Variants in CRTAC1 observed in about 807,000 individuals in gnomAD.
The protein encoded by CRTAC1 is cartilage acidic protein 1, also known as acidic secreted protein in cartilage.
Under a neutral mutation model 67.8 loss-of-function variants are expected in CRTAC1, and 37 were observed. The observed-to-expected ratio is 0.55, with a 90% CI of 0.42 to 0.72. The LOEUF is 0.72. CRTAC1 is among the 30% of genes least tolerant of loss of function. The pLI is 0.00. For missense variants in CRTAC1, 780 were observed against 931.6 expected, an observed-to-expected ratio of 0.84 and a Z score of 2.12; for synonymous variants, 348 against 371.0, an observed-to-expected ratio of 0.94 and a Z score of 0.71.
intron 5 of CRTAC1, among the ~76,000 whole-genome samples, chr10:97,911,652 G>A (rs1829468641): frequency 6.6e-6 from 1 of 152,200 alleles, no homozygotes; most frequent in Non-Finnish European, 1.5e-5. Flanking sequence ...ACGACTCCCA[G>A]GTCGACAAGC....
intron 2 of CRTAC1, among the ~76,000 whole-genome samples, chr10:97,962,082 G>C (rs1025963406): frequency 1.3e-5 from 2 of 152,172 alleles, no homozygotes; most frequent in African/African-American, 4.8e-5. Flanking sequence ...GCAAATCCCT[G>C]TTCTCAGATG....
At chr10:97,878,121 G>A (rs540716477) in intron 14 of CRTAC1, among the ~76,000 whole-genome samples, 4 of 152,336 alleles carry the variant, frequency 2.6e-5, no homozygotes, top group African/African-American at 9.6e-5. Context: ...CTGACAAGAT[G>A]GTGTGGTGGG....
chr10:97,927,663 G>C (rs2050941387), intron 3 of CRTAC1, among the ~76,000 whole-genome samples: 1 of 152,226 alleles, frequency 6.6e-6, no homozygotes, highest in Admixed American at 6.5e-5. Context: ...ATGTGCAACA[G>C]CCATGCAGAG....
chr10:97,940,260 C>T (rs2051152028), intron 2 of CRTAC1, among the ~76,000 whole-genome samples: 3 of 152,204 alleles, frequency 2.0e-5, no homozygotes, highest in Non-Finnish European at 4.4e-5. Flanking sequence ...ATGACTTGCC[C>T]ACTATCACTC....
At chr10:97,958,265 G>T (rs959770432) in intron 2 of CRTAC1, among the ~76,000 whole-genome samples, 4 of 152,192 alleles carry the variant, frequency 2.6e-5, no homozygotes. Context: ...TTCTCAGGCT[G>T]GGGGAGAGGG....
At chr10:97,893,531 T>A (rs979119879) in intron 11 of CRTAC1, among the ~76,000 whole-genome samples, 10 of 152,162 alleles carry the variant, frequency 6.6e-5, no homozygotes, top group African/African-American at 2.4e-4. Flanking sequence ...CTCTTTAGAC[T>A]TTTTCCCCAA....
intron 11 of CRTAC1, among the ~76,000 whole-genome samples, chr10:97,894,112 G>A (rs970510284): frequency 5.3e-5 from 8 of 152,168 alleles, no homozygotes; most frequent in Non-Finnish European, 1.0e-4. Flanking sequence ...AGTGGCTTGC[G>A]ATATGATAGC....
intron 11 of CRTAC1, among the ~76,000 whole-genome samples, chr10:97,891,220 G>A (rs1354391026): frequency 1.3e-5 from 2 of 152,162 alleles, no homozygotes; most frequent in East Asian, 1.9e-4. Context: ...GTGAAATGAT[G>A]AGTAATTTTT....
At chr10:97,980,798 T>C (rs936872586) in intron 2 of CRTAC1, among the ~76,000 whole-genome samples, 6 of 152,288 alleles carry the variant, frequency 3.9e-5, no homozygotes, top group African/African-American at 1.4e-4. Context: ...TTTAAAAACA[T>C]AGATTTAAGT....
At chr10:97,953,167 G>T (rs760807947) in intron 2 of CRTAC1, among the ~76,000 whole-genome samples, 6 of 152,158 alleles carry the variant, frequency 3.9e-5, no homozygotes, top group Non-Finnish European at 7.3e-5. Flanking sequence ...TTCCTCTGCA[G>T]CTCTGCCCAA....
intron 14 of CRTAC1, chr10:97,870,772 C>G (rs2050084494): frequency 6.6e-6 from 1 of 151,984 alleles, no homozygotes; most frequent in South Asian, 2.1e-4. Flanking sequence ...GTAATGTCTG[C>G]TCTGCTGTGG....
In CRTAC1 at chr10:97,895,529, C is replaced by T; in HGVS notation, c.1318-116G>A. On this transcript the variant is annotated intron_variant, in intron 10 of 14. Transcript: ENST00000370597. This position sits in a 1 kb window ranked among gnomAD's most constrained non-coding sequence, Gnocchi z 4.2. ...GAGAAGAAGGAGGAAGAGAAGAAAGCAGGCAGAGGAAAAAGATAGAAACAG... is the reference window on the plus strand; with the variant it reads ...GAGAAGAAGGAGGAAGAGAAGAAAGTAGGCAGAGGAAAAAGATAGAAACAG... The T allele has an allele frequency of 1.1e-6, 1 of 925,378 alleles. No individual in the cohort carries two copies. Among genetic ancestry groups the T allele is most frequent in the Non-Finnish European group, 1.6e-6 (1 of 619,792 alleles). 57.3% of individuals were successfully genotyped at this position (925,378 alleles called of 1,614,324 possible).
chr10:97,880,467 C>T (rs549880648), intron 13 of CRTAC1, 75 bp from the exon 14 acceptor site: 7 of 1,561,494 alleles, frequency 4.5e-6, no homozygotes, highest in Admixed American at 1.7e-5. Flanking sequence ...CCTGCCTATA[C>T]ACTGTCTGGC....
intron 2 of CRTAC1, among the ~76,000 whole-genome samples, chr10:97,967,063 A>C (rs988085617): frequency 6.9e-6 from 1 of 144,526 alleles, no homozygotes; most frequent in Non-Finnish European, 1.5e-5. Context: ...AGGAGTAGGG[A>C]GTTTTGCTTC....
intron 3 of CRTAC1, among the ~76,000 whole-genome samples, chr10:97,925,621 A>G (rs2050901562): frequency 8.3e-6 from 1 of 120,424 alleles, no homozygotes; most frequent in Non-Finnish European, 1.7e-5. Context: ...AGTGAGAGTG[A>G]GTGTGAGGGG....
intron 14 of CRTAC1, among the ~76,000 whole-genome samples, chr10:97,876,363 C>T (rs746556651): frequency 6.6e-6 from 1 of 152,172 alleles, no homozygotes; most frequent in African/African-American, 2.4e-5. Flanking sequence ...TTAGATTCAA[C>T]CCAGACACGC....
At chr10:97,903,518 G>A (rs891633126) in intron 7 of CRTAC1, among the ~76,000 whole-genome samples, 2 of 151,820 alleles carry the variant, frequency 1.3e-5, no homozygotes, top group African/African-American at 4.8e-5. Context: ...GCTGGGCCTG[G>A]GCGTCCCAAG....
At chr10:97,891,557 C>T (rs527780971) in intron 11 of CRTAC1, among the ~76,000 whole-genome samples, 22 of 152,368 alleles carry the variant, frequency 1.4e-4, no homozygotes, top group Admixed American at 4.6e-4. Flanking sequence ...ATGAGAGTCC[C>T]GTGTCCATCT....
At chr10:97,880,190 G>T in intron 14 of CRTAC1, 59 bp downstream of exon 14, 1 of 1,585,530 alleles carries the variant, frequency 6.3e-7, no homozygotes, top group Non-Finnish European at 8.6e-7. Context: ...CCTACCCAGA[G>T]CTCCCCAGTG....
Sources: gnomAD v4.1 joint callset for allele counts (sites outside exome capture counted in the v4.1 genomes callset) on GRCh38, gnomAD v4.1.1 for gene constraint, Gnocchi (gnomAD v3.1) non-coding constraint, MANE v1.5 for transcripts, NCBI Gene and HGNC (gene_info 2026-07-23, HGNC 2026-07-21) for gene names.